PKHD1: variants seen among roughly 807,000 people sequenced by gnomAD.
PKHD1 encodes PKHD1 ciliary IPT domain containing fibrocystin/polyductin.
A neutral mutation model predicts 412.0 loss-of-function variants in PKHD1; 291 were observed. That is an observed-to-expected ratio of 0.71 (90% CI 0.64 to 0.78). The LOEUF (loss-of-function observed/expected upper bound fraction) is 0.78. Ranked by LOEUF, PKHD1 falls within the 30% of genes least tolerant of loss-of-function variation. The probability of loss-of-function intolerance (pLI) is 0.00; values close to 1 mark genes in which losing one functional copy is unlikely to be tolerated. For synonymous variants in PKHD1, 1,777 were observed against 1,821.5 expected (o/e 0.98, Z 0.62); for missense variants, 4,825 against 4,950.7 (o/e 0.97, Z 0.76).
At chr6:52,039,168 A>G (rs958933011) in intron 27 of PKHD1, among the ~76,000 whole-genome samples, 2 of 152,248 alleles carry the variant, frequency 1.3e-5, no homozygotes, top group Non-Finnish European at 2.9e-5. Context: ...CAAAATCACA[A>G]TGAGGTATCA....
Position 51,718,041 on chromosome 6 carries a change from T to C in PKHD1, c.10156+26344A>G, listed in dbSNP as rs180913122. On this transcript the variant is annotated intron_variant, in intron 60 of 66. Transcript: ENST00000371117. ...GCTAAGGAAGCCTTGCTAAATGGTT[T>C]TATTCTAATGGTTAACAACTTTTGC... is the stretch of plus-strand genomic sequence containing the variant. Among the ~76,000 whole-genome samples the C allele has an allele frequency of 1.1e-4, 16 of 152,320 alleles. No homozygotes were observed. The East Asian group carries it at 2.7e-3, about 26-fold the overall frequency.
chr6:52,010,325 C>T lies in PKHD1; in HGVS notation c.5735G>A (p.Trp1912Ter). The T allele has an allele frequency of 1.2e-6, 2 of 1,613,800 alleles. No homozygotes were observed. The highest frequency in any genetic ancestry group is 1.7e-6 in the Non-Finnish European group (2 of 1,179,852). The change falls in exon 35 of 67, where the codon TGG becomes TAG. Residue 1912 changes from tryptophan (W) to a stop codon, truncating the protein, a stop_gained. Transcript: ENST00000371117. LOFTEE classifies it high-confidence loss of function. ...TGATTATACCTGAGTGTTCTGGCCC[C>T]AGCGTTTCCGTATCTCAGTAATCTT... The part of the protein sequence containing the change: ...TVKITEIRKR[W>*]GQNTQGNFSL...
chr6:51,628,287 AC>A (rs1226745851), intron 65 of PKHD1, among the ~76,000 whole-genome samples: 1 of 151,992 alleles, frequency 6.6e-6, no homozygotes, highest in African/African-American at 2.4e-5. Flanking sequence ...GTCCATGTGA[AC>A]CCAGTGTTTA....
Position 51,659,174 on chromosome 6 carries a change from G to T in PKHD1, c.10952C>A (p.Pro3651His), listed in dbSNP as rs1489333748. 3.7e-6 allele frequency: 6 copies of T among 1,613,514 alleles called. No homozygotes were observed. The East Asian group carries it at 1.1e-4, about 30-fold the overall frequency. ...TGAGATAGTTTCCACAGTCATTGGG[G>T]GTGAAGCCCTATGTGAGTTCATTTC... ...MMEMNSHRAS[P>H]PMTVETISKV... The change falls in exon 61 of 67, where the codon CCC (proline) becomes CAC (histidine). Residue 3651 changes from proline (P) to histidine (H), a missense_variant. Transcript: ENST00000371117.
At chr6:51,681,901 G>A (rs1351515779) in intron 60 of PKHD1, among the ~76,000 whole-genome samples, 1 of 152,032 alleles carries the variant, frequency 6.6e-6, no homozygotes, top group Non-Finnish European at 1.5e-5. Context: ...TTTGCCACCT[G>A]GCCCTTAACA....
chr6:51,739,518 A>G (rs1015702560), intron 60 of PKHD1, among the ~76,000 whole-genome samples: 1 of 152,214 alleles, frequency 6.6e-6, no homozygotes, highest in Non-Finnish European at 1.5e-5. Flanking sequence ...GGCATGAGCC[A>G]CAGATCCCAG....
chr6:52,075,169 C>A (rs192750283), intron 6 of PKHD1, among the ~76,000 whole-genome samples: 1 of 152,212 alleles, frequency 6.6e-6, no homozygotes, highest in Admixed American at 6.5e-5. Context: ...AGGAGCAGAT[C>A]TGTGAAAAAC....
At chr6:51,686,957 T>G (rs547491502) in intron 60 of PKHD1, among the ~76,000 whole-genome samples, 2 of 152,284 alleles carry the variant, frequency 1.3e-5, no homozygotes, top group Non-Finnish European at 2.9e-5. Flanking sequence ...AGGCCAGATA[T>G]GAAGTTACAT....
chr6:51,882,221 A>C (rs1429447986), intron 46 of PKHD1, among the ~76,000 whole-genome samples: 6 of 152,200 alleles, frequency 3.9e-5, no homozygotes, highest in African/African-American at 1.2e-4. Context: ...TGAAAGGAAG[A>C]ATCATCTCTC....
At chr6:51,739,826 GA>G (rs930489718) in intron 60 of PKHD1, among the ~76,000 whole-genome samples, 3 of 151,682 alleles carry the variant, frequency 2.0e-5, no homozygotes, top group African/African-American at 7.3e-5. Context: ...AAATTCTGTT[GA>G]AACTGAAGCT....
intron 61 of PKHD1, among the ~76,000 whole-genome samples, chr6:51,654,573 A>G (rs1771505037): frequency 6.6e-6 from 1 of 151,996 alleles, no homozygotes; most frequent in South Asian, 2.1e-4. Flanking sequence ...TGGACTTAGA[A>G]CTTTTCTGGA....
rs1308892347 is a variant in PKHD1, at chr6:51,765,842, A to C, written c.8642+6860T>G. Among the ~76,000 whole-genome samples, 3 of 152,066 alleles carry C rather than the reference A, an allele frequency of 2.0e-5. No individual in the cohort carries two copies. The East Asian group carries it at 5.8e-4, about 29-fold the overall frequency. On this transcript the variant is annotated intron_variant, in intron 55 of 66. Transcript: ENST00000371117. ...ACCTGGCACATAGTAAATATTCCTC[A>C]GATATTTGCTTAATAATTGAATGCT...
chr6:51,963,293 C>T (rs1792339644), intron 35 of PKHD1, among the ~76,000 whole-genome samples: 1 of 151,956 alleles, frequency 6.6e-6, no homozygotes, highest in Non-Finnish European at 1.5e-5. Flanking sequence ...CCTTAAGTTT[C>T]TCTAGTCAAT....
chr6:51,704,321 A>G (rs1779772362), intron 60 of PKHD1, among the ~76,000 whole-genome samples: 1 of 152,092 alleles, frequency 6.6e-6, no homozygotes. Context: ...CTTGTGATAG[A>G]GGTTAGATTA....
intron 52 of PKHD1, among the ~76,000 whole-genome samples, chr6:51,793,842 A>C (rs1399347352): frequency 6.6e-6 from 1 of 152,174 alleles, no homozygotes; most frequent in Non-Finnish European, 1.5e-5. Flanking sequence ...GTATGCGTGC[A>C]TGTGTCTTTA....
chr6:52,023,050 C>A, intron 32 of PKHD1, 106 bp from the exon 33 acceptor site: 1 of 1,319,940 alleles, frequency 7.6e-7, no homozygotes, highest in Non-Finnish European at 1.1e-6. Flanking sequence ...CTTCTTTTCA[C>A]ATCCTCAGAA....
chr6:51,632,477 G>T, intron 65 of PKHD1, 88 bp downstream of exon 65: 1 of 1,144,048 alleles, frequency 8.7e-7, no homozygotes, highest in Non-Finnish European at 1.3e-6. Context: ...ATTTGTCTTT[G>T]GGGAAAGAAA....
Position 51,959,892 on chromosome 6 carries a change from G to A in PKHD1, c.5886C>T (p.Ile1962=). The change falls in exon 36 of 67, where the codon ATC becomes ATT. Residue 1962 remains isoleucine, a synonymous_variant. Transcript: ENST00000371117. ...QLLLLDTNTS[I]LNLLHIKGGK... is the part of the protein sequence containing the mutation. ...CACCTTTAATGTGCAGTAAGTTGAGGATGCTTGTGTTAGTGTCCAGCAGAA... is the reference window on the plus strand; with the variant it reads ...CACCTTTAATGTGCAGTAAGTTGAGAATGCTTGTGTTAGTGTCCAGCAGAA... The A allele has an allele frequency of 6.2e-7, 1 of 1,613,358 alleles. No individual in the cohort carries two copies. Among genetic ancestry groups the A allele is most frequent in the Non-Finnish European group, 8.5e-7 (1 of 1,179,458 alleles).
intron 60 of PKHD1, among the ~76,000 whole-genome samples, chr6:51,694,735 T>C (rs1341009915): frequency 1.3e-5 from 2 of 151,990 alleles, no homozygotes; most frequent in African/African-American, 4.8e-5. Flanking sequence ...CACAAAATTT[T>C]ACTGTTCAAA....
Sources: gnomAD v4.1 joint callset for allele counts (sites outside exome capture counted in the v4.1 genomes callset) on GRCh38, gnomAD v4.1.1 for gene constraint, MANE v1.5 for transcripts, NCBI Gene and HGNC (gene_info 2026-07-23, HGNC 2026-07-21) for gene names.